The following TLE6 variants were observed in gnomAD, a reference collection of about 807,000 sequenced individuals.
TLE6 encodes TLE family member 6, subcortical maternal complex member.
In TLE6, 72 loss-of-function variants were observed where a neutral mutation model predicts 77.1. That is an observed-to-expected ratio of 0.93 (90% CI 0.77 to 1.14). TLE6 has a LOEUF of 1.14. Ranked by LOEUF, TLE6 falls within the 50% of genes most tolerant of loss-of-function variation. The probability of loss-of-function intolerance (pLI) is 0.00; values close to 1 mark genes in which losing one functional copy is unlikely to be tolerated. For missense variants in TLE6, 843 were observed against 747.6 expected, an observed-to-expected ratio of 1.13 and a Z score of -1.49; for synonymous variants, 366 against 287.3, an observed-to-expected ratio of 1.27 and a Z score of -2.77.
At chr19:2,988,438 T>A (rs1337764222) in intron 11 of TLE6, among the ~76,000 whole-genome samples, 1 of 151,814 alleles carries the variant, frequency 6.6e-6, no homozygotes, top group Non-Finnish European at 1.5e-5. Flanking sequence ...CTACTAAAAA[T>A]ACAAAAAAAA....
At chr19:2,985,187 T>C (rs894769705) in intron 5 of TLE6, among the ~76,000 whole-genome samples, 2 of 151,534 alleles carry the variant, frequency 1.3e-5, no homozygotes, top group Non-Finnish European at 2.9e-5. Context: ...GAGGCAGAGG[T>C]TACAGTGAGC....
intron 5 of TLE6, 50 bp downstream of exon 5, chr19:2,982,239 G>C: frequency 6.5e-7 from 1 of 1,547,306 alleles, no homozygotes; most frequent in Non-Finnish European, 8.7e-7. Flanking sequence ...TGAAAGGCAT[G>C]AGAAAGCACA....
chr19:2,980,128 G>C lies in TLE6; in HGVS notation c.80G>C (p.Ser27Thr), dbSNP rs2088767465. 1 of 1,550,488 alleles carries C rather than the reference G, an allele frequency of 6.4e-7. No homozygotes were observed. Among genetic ancestry groups the C allele is most frequent in the Non-Finnish European group, 8.7e-7 (1 of 1,146,184 alleles). ...TGTCCTGGGATCTCGAACTCTGAGA[G>C]CTCTCCGACGCTGAATTATCAGGGC... is the stretch of plus-strand genomic sequence containing the variant. ...SPCPGISNSE[S>T]SPTLNYQGIL... Residue 27 changes from serine (S) to threonine (T), a missense_variant, in exon 3 of 17, where the codon AGC becomes ACC. Coordinates refer to ENST00000246112, the MANE Select transcript of TLE6 (RefSeq NM_001143986.2).
chr19:2,986,796 C>T (rs1279662466), intron 5 of TLE6, 33 bp from the exon 6 acceptor site: 11 of 1,549,260 alleles, frequency 7.1e-6, no homozygotes, highest in Non-Finnish European at 9.6e-6. Flanking sequence ...ACTGCAACAA[C>T]ATTTAACTGT....
chr19:2,991,846 C>T lies in TLE6; in HGVS notation c.1248C>T (p.Asp416=), dbSNP rs763848226. Residue 416 remains aspartate (D), a synonymous_variant, in exon 14 of 17, where the codon GAC becomes GAT. Coordinates refer to ENST00000246112, the MANE Select transcript of TLE6 (RefSeq NM_001143986.2). Reference sequence around the variant, plus strand: ...TCCCGATGTCCCTTCTGGCCAGGGACCTCAAGGGTTATCCTGATGGAGTCA... The same window carrying T: ...TCCCGATGTCCCTTCTGGCCAGGGATCTCAAGGGTTATCCTGATGGAGTCA... ...WDLRDQSVVR[D]LKGYPDGVKS... is the part of the protein sequence containing the mutation. 6 of 1,613,726 alleles carry T rather than the reference C, an allele frequency of 3.7e-6. No individual in the cohort carries two copies. The highest frequency in any genetic ancestry group is 1.1e-5 in the South Asian group (1 of 91,050).
In TLE6 at chr19:2,977,902, C is replaced by T. The variant is rs1378180134; in HGVS notation, c.-37+292C>T. On this transcript the variant is annotated intron_variant, in intron 1 of 16. Transcript: ENST00000246112. ...AGCTTTGGCGACCTTCCCTGGGCTC[C>T]CCCGTCCCTGACTGCCCCCAGCAGG... 3.9e-5 allele frequency among the ~76,000 whole-genome samples: 6 copies of T among 152,066 alleles called. No individual in the cohort carries two copies. The East Asian group carries it at 1.2e-3, about 29-fold the overall frequency.
At chr19:2,990,361 G>C (rs1363750802) in intron 13 of TLE6, among the ~76,000 whole-genome samples, 1 of 151,506 alleles carries the variant, frequency 6.6e-6, no homozygotes, top group Non-Finnish European at 1.5e-5. Flanking sequence ...CCAGCAGTTA[G>C]GGAGGCCGAG....
rs529681209 is a variant in TLE6, at chr19:2,991,130, G to A, written c.1245-713G>A. ...TGTAATCCCAGCACTTTGGGAAGCCGAGGCGGGCAGATCACCTGAGGTCGG... is the reference window on the plus strand; with the variant it reads ...TGTAATCCCAGCACTTTGGGAAGCCAAGGCGGGCAGATCACCTGAGGTCGG... On this transcript the variant is annotated intron_variant, in intron 13 of 16. Coordinates refer to ENST00000246112, the MANE Select transcript of TLE6 (RefSeq NM_001143986.2). Among the ~76,000 whole-genome samples, 21 of 151,744 alleles carry A rather than the reference G, an allele frequency of 1.4e-4. No individual in the cohort carries two copies. The East Asian group carries it at 3.5e-3, about 25-fold the overall frequency.
In TLE6 at chr19:2,994,092, C is replaced by T. The variant is rs987371288; in HGVS notation, c.1611C>T (p.Phe537=). Residue 537 remains phenylalanine (F), a synonymous_variant, in exon 16 of 17, where the codon TTC becomes TTT. Coordinates refer to ENST00000246112, the MANE Select transcript of TLE6 (RefSeq NM_001143986.2). ...GCATGCCGGCGGGGACAAAAGTGTT[C>T]GAGGTACTGCGGTGGGCTGGGGGCA... is the stretch of plus-strand genomic sequence containing the variant. The part of the protein sequence containing the change: ...VYSMPAGTKV[F]EVPEMSPVTC... The T allele has an allele frequency of 1.1e-5, 18 of 1,576,010 alleles. No individual in the cohort carries two copies. The highest frequency in any genetic ancestry group is 9.5e-5 in the Admixed American group (5 of 52,884).
rs2089138161 is a variant in TLE6, at chr19:2,993,642, C to T, written c.1537+60C>T. 1.3e-6 allele frequency: 2 copies of T among 1,506,108 alleles called. 1 individual carries two copies. Among genetic ancestry groups the T allele is most frequent in the South Asian group, 2.7e-5 (2 of 74,968 alleles). The allele number at this position is 1,506,108 out of a possible 1,614,324, so 93.3% of individuals were successfully genotyped here. On this transcript the variant is annotated intron_variant, in intron 15 of 16. Coordinates refer to ENST00000246112, the MANE Select transcript of TLE6 (RefSeq NM_001143986.2). ...GCAGCCCCCAGCCTCCCACAAGACCCCACCTAATGCCAGCTCCCCACCCAA... is the reference window on the plus strand; with the variant it reads ...GCAGCCCCCAGCCTCCCACAAGACCTCACCTAATGCCAGCTCCCCACCCAA...
intron 13 of TLE6, among the ~76,000 whole-genome samples, 157 bp from the exon 14 acceptor site, chr19:2,991,686 C>G (rs1439584655): frequency 1.3e-5 from 2 of 150,536 alleles, no homozygotes; most frequent in Non-Finnish European, 2.9e-5. Flanking sequence ...GCACTAGATC[C>G]TGTGTCTGTT....
intron 4 of TLE6, 105 bp downstream of exon 4, chr19:2,981,688 C>A: frequency 8.1e-7 from 1 of 1,230,742 alleles, no homozygotes; most frequent in Non-Finnish European, 1.2e-6. Context: ...AGGTTCTTTT[C>A]CGCCAAGCAC....
intron 5 of TLE6, among the ~76,000 whole-genome samples, chr19:2,986,181 C>T (rs543010014): frequency 5.5e-5 from 8 of 144,364 alleles, no homozygotes; most frequent in South Asian, 4.5e-4. Context: ...GGGAGGCACA[C>T]GTGGGAGGAT....
Position 2,989,759 on chromosome 19 carries a change from G to A in TLE6, c.1218G>A (p.Trp406Ter), listed in dbSNP as rs1217092569. Residue 406 changes from tryptophan (W) to a stop codon, truncating the protein, a stop_gained, in exon 13 of 17, where the codon TGG becomes TGA. Coordinates refer to ENST00000246112, the MANE Select transcript of TLE6 (RefSeq NM_001143986.2). LOFTEE classifies it high-confidence loss of function. ...ASFTSGVVRIWDLRDQSVVRD... is the reference protein window; with the variant it reads ...ASFTSGVVRI ...TCACCAGTGGTGTGGTCAGGATCTG[G>A]GACCTGCGGGATCAGAGTGTGGTCA... 1 of 1,614,046 alleles carries A rather than the reference G, an allele frequency of 6.2e-7. No individual in the cohort carries two copies. The highest frequency in any genetic ancestry group is 1.7e-5 in the Admixed American group (1 of 59,998).
rs369766984 is a variant in TLE6 at position 2,991,376 on chromosome 19, GTATATATATATATA to G, written c.1245-460_1245-447del. ...TCCATTTCAAAAAAAAAAAAAATAC[GTATATATATATATA>G]TATATACACACACACACACACACAC... On this transcript the variant is annotated intron_variant, in intron 13 of 16. Coordinates refer to ENST00000246112, the MANE Select transcript of TLE6 (RefSeq NM_001143986.2). Among the ~76,000 whole-genome samples, 190 of 105,546 alleles carry G rather than the reference GTATATATATATATA, an allele frequency of 1.8e-3. 3 individuals carry two copies. The highest frequency in any genetic ancestry group is 6.4e-3 in the African/African-American group (178 of 27,696). 69.2% of individuals were successfully genotyped at this position (105,546 alleles called of 152,430 possible).
Position 2,989,131 on chromosome 19 carries a change from C to T in TLE6, c.811C>T (p.Leu271Phe). The part of the protein sequence containing the change: ...PDALPGQSKR[L>F]AVPCKLEKMR... The stretch of plus-strand genomic sequence containing the variant: ...TGCCTTGCCCGGGCAGTCAAAGAGA[C>T]TCGCCGTCCCGTGCAAACTGGAAAA... Residue 271 changes from leucine to phenylalanine, a missense_variant, in exon 12 of 17, where the codon CTC (leucine) becomes TTC (phenylalanine). Leu to Phe is a conservative substitution (Grantham distance 22). Coordinates refer to ENST00000246112, the MANE Select transcript of TLE6 (RefSeq NM_001143986.2). 1 of 1,614,168 alleles carries T rather than the reference C, an allele frequency of 6.2e-7. No homozygotes were observed. Among genetic ancestry groups the T allele is most frequent in the Non-Finnish European group, 8.5e-7 (1 of 1,180,050 alleles).
rs2089182708 is a variant in TLE6, at chr19:2,995,055, TTC to T, written c.*52_*53del. The T allele has an allele frequency of 1.1e-6, 1 of 937,040 alleles. No individual in the cohort carries two copies. Among genetic ancestry groups the T allele is most frequent in the South Asian group, 1.5e-5 (1 of 65,566 alleles). 58.0% of individuals were successfully genotyped at this position (937,040 alleles called of 1,614,324 possible). ...CCGGCTCCTCTTTTCATCCCCCCCC[TTC>T]CCCCCCCCCAACAAGGGGGACATGG... On this transcript the variant is annotated 3_prime_UTR_variant, in exon 17 of 17. Coordinates refer to ENST00000246112, the MANE Select transcript of TLE6 (RefSeq NM_001143986.2).
intron 13 of TLE6, among the ~76,000 whole-genome samples, chr19:2,991,301 G>C (rs1390071931): frequency 1.3e-5 from 2 of 148,702 alleles, no homozygotes; most frequent in Non-Finnish European, 3.0e-5. Context: ...AGAGGTTGCA[G>C]TGAGCTGAGA....
chr19:2,981,640 C>A, intron 4 of TLE6, 57 bp downstream of exon 4: 1 of 1,529,578 alleles, frequency 6.5e-7, no homozygotes. Context: ...CAAGCTGAGG[C>A]CCTGGTTTCC....
Sources: allele counts gnomAD v4.1 joint callset (sites outside exome capture counted in the v4.1 genomes callset), GRCh38; gene constraint gnomAD v4.1.1; transcripts MANE v1.5; gene names NCBI Gene and HGNC (gene_info 2026-07-23, HGNC 2026-07-21).